The following SLC22A16 variants were observed in gnomAD, a reference collection of about 807,000 sequenced individuals.
The protein encoded by SLC22A16 is solute carrier family 22 member 16, also known as WUGSC:RG331P03.1.
Under a neutral mutation model 52.9 loss-of-function variants are expected in SLC22A16, and 53 were observed. The observed-to-expected ratio is 1.00, with a 90% CI of 0.80 to 1.26. The LOEUF is 1.26. Ranked by LOEUF, SLC22A16 falls within the 50% of genes most tolerant of loss-of-function variation. The pLI, the probability that SLC22A16 is intolerant of heterozygous loss-of-function variation, is 0.00. For missense variants in SLC22A16, 726 were observed against 704.0 expected, an observed-to-expected ratio of 1.03 and a Z score of -0.35; for synonymous variants, 291 against 268.8, an observed-to-expected ratio of 1.08 and a Z score of -0.81.
At chr6:110,425,725 C>A (rs78938559) in intron 7 of SLC22A16, among the ~76,000 whole-genome samples, 2 of 152,330 alleles carry the variant, frequency 1.3e-5, no homozygotes, top group Middle Eastern at 3.4e-3. Context: ...TAAAAGGCAG[C>A]CTTTTAGACT....
chr6:110,425,413 C>G, intron 7 of SLC22A16: 1 of 1,317,780 alleles, frequency 7.6e-7, no homozygotes, highest in Non-Finnish European at 1.0e-6. Flanking sequence ...GACACTTACC[C>G]CATCTTTCCA....
At chr6:110,442,135 G>C (rs1233401249) in intron 4 of SLC22A16, 109 bp downstream of exon 4, 11 of 1,018,394 alleles carry the variant, frequency 1.1e-5, no homozygotes, top group Non-Finnish European at 1.4e-5. Context: ...GTTTTAAAGG[G>C]CCTATTAAAA....
chr6:110,464,691 C>T (rs1433378086), intron 1 of SLC22A16, among the ~76,000 whole-genome samples: 4 of 152,042 alleles, frequency 2.6e-5, no homozygotes, highest in Admixed American at 2.6e-4. Context: ...CAGACGGATT[C>T]ACAGTTGAAT....
At chr6:110,464,307 G>T (rs532594468) in intron 1 of SLC22A16, among the ~76,000 whole-genome samples, 1 of 151,938 alleles carries the variant, frequency 6.6e-6, no homozygotes, top group South Asian at 2.1e-4. Context: ...GAGAAGATTT[G>T]ATCTCAATTA....
At chr6:110,438,948 C>A in intron 4 of SLC22A16, 101 bp from the exon 5 acceptor site, 3 of 1,452,762 alleles carry the variant, frequency 2.1e-6, no homozygotes, top group Non-Finnish European at 2.8e-6. Flanking sequence ...GCAGCCCTCT[C>A]CTCACTTCTG....
At chr6:110,467,005 A>T (rs1307781805) in intron 1 of SLC22A16, among the ~76,000 whole-genome samples, 1 of 152,224 alleles carries the variant, frequency 6.6e-6, no homozygotes, top group Non-Finnish European at 1.5e-5. Context: ...ATTACACATC[A>T]TCTAGCCTCT....
chr6:110,462,929 G>A lies in SLC22A16; in HGVS notation c.54-5912C>T, dbSNP rs189188405. The stretch of plus-strand genomic sequence containing the variant: ...CCTGTCAGACTAATGAGACGTCTCA[G>A]TAGAAATCTTACAAGCCAGAACAGA... On this transcript the variant is annotated intron_variant, in intron 1 of 7. Transcript: ENST00000368919. Among the ~76,000 whole-genome samples, 43 of 152,004 alleles carry A rather than the reference G, an allele frequency of 2.8e-4. No homozygotes were observed. In the East Asian group the frequency reaches 7.7e-3, roughly 27 times the overall value.
chr6:110,475,861 G>A (rs1248116490), intron 1 of SLC22A16: 1 of 453,616 alleles, frequency 2.2e-6, no homozygotes, highest in East Asian at 7.0e-5. Context: ...GAGGTTAAAC[G>A]TGGTTCCACC....
At chr6:110,439,648 G>A (rs777591344) in intron 4 of SLC22A16, among the ~76,000 whole-genome samples, 1 of 152,104 alleles carries the variant, frequency 6.6e-6, no homozygotes, top group South Asian at 2.1e-4. Flanking sequence ...CGATGTCTAC[G>A]TATAAAAATT....
At chr6:110,427,252 A>G (rs113442447) in intron 7 of SLC22A16, among the ~76,000 whole-genome samples, 8,562 of 143,294 alleles carry the variant, frequency 0.06, 269 homozygotes, top group Middle Eastern at 0.1. Context: ...AATCTCAAAA[A>G]AAAAAAAAAA....
intron 3 of SLC22A16, among the ~76,000 whole-genome samples, chr6:110,444,303 T>C (rs1775085773): frequency 6.6e-6 from 1 of 152,172 alleles, no homozygotes; most frequent in South Asian, 2.1e-4. Context: ...GAAGAATTTT[T>C]TCTACAAAAT....
At position 110,442,417 on chromosome 6, in the gene SLC22A16, C is replaced by T. The variant is rs1471070118; in HGVS notation, c.1010G>A (p.Ser337Asn). The change falls in exon 4 of 8, where the codon AGC (serine) becomes AAC (asparagine). Residue 337 changes from serine to asparagine, a missense_variant. Transcript: ENST00000368919. ...GTTGTGCTTCTGAACTTCAGTGGGG[C>T]TATTACTAACAGGACCTTGTAGGTC... ...SLDLQGPVSNSPTEVQKHNLS... is the reference protein window; with the variant it reads ...SLDLQGPVSNNPTEVQKHNLS... 2.5e-6 allele frequency: 4 copies of T among 1,614,208 alleles called. No individual in the cohort carries two copies. The highest frequency in any genetic ancestry group is 3.4e-6 in the Non-Finnish European group (4 of 1,180,038).
intron 6 of SLC22A16, among the ~76,000 whole-genome samples, chr6:110,432,930 A>G (rs896649229): frequency 2.6e-5 from 4 of 152,154 alleles, no homozygotes; most frequent in Admixed American, 6.5e-5. Flanking sequence ...AAAAATTCTC[A>G]TGTATTTCAC....
At chr6:110,465,997 A>G (rs1031121688) in intron 1 of SLC22A16, among the ~76,000 whole-genome samples, 2 of 152,226 alleles carry the variant, frequency 1.3e-5, no homozygotes, top group East Asian at 3.9e-4. Context: ...CTGACAACCA[A>G]CTGATCGTCA....
At chr6:110,448,329 A>G (rs886339431) in intron 2 of SLC22A16, among the ~76,000 whole-genome samples, 8 of 152,148 alleles carry the variant, frequency 5.3e-5, no homozygotes, top group African/African-American at 1.9e-4. Context: ...TTCTTTGCCC[A>G]TTTTTGAATT....
chr6:110,442,906 A>T, intron 3 of SLC22A16, 131 bp from the exon 4 acceptor site: 1 of 761,850 alleles, frequency 1.3e-6, no homozygotes, highest in African/African-American at 1.8e-5. Context: ...CCCCTATCAG[A>T]TGTATAAAAT....
chr6:110,460,218 A>C (rs982249821), intron 1 of SLC22A16, among the ~76,000 whole-genome samples: 2 of 152,132 alleles, frequency 1.3e-5, no homozygotes, highest in Non-Finnish European at 2.9e-5. Context: ...ACCATCCCTC[A>C]GCTCAGCAGT....
intron 1 of SLC22A16, among the ~76,000 whole-genome samples, chr6:110,465,383 ACCTAGAAAAAT>A (rs2115016434): frequency 6.6e-6 from 1 of 152,252 alleles, no homozygotes; most frequent in African/African-American, 2.4e-5. Flanking sequence ...ATGATCTTAT[ACCTAGAAAAAT>A]CCTAAAGATT....
At chr6:110,442,900 T>G (rs1775033681) in intron 3 of SLC22A16, 125 bp from the exon 4 acceptor site, 3 of 785,396 alleles carry the variant, frequency 3.8e-6, no homozygotes, top group Non-Finnish European at 6.0e-6. Flanking sequence ...CTGAAACCCC[T>G]ATCAGATGTA....
Sources: gnomAD v4.1 joint callset for allele counts (sites outside exome capture counted in the v4.1 genomes callset) on GRCh38, gnomAD v4.1.1 for gene constraint, MANE v1.5 for transcripts, NCBI Gene and HGNC (gene_info 2026-07-23, HGNC 2026-07-21) for gene names.